The following RBFOX3 variants were observed in gnomAD, a reference collection of about 807,000 sequenced individuals.
RBFOX3 encodes the protein RNA binding protein fox-1 homolog 3.
A neutral mutation model predicts 48.7 loss-of-function variants in RBFOX3; 17 were observed. The observed-to-expected ratio is 0.35, with a 90% CI of 0.24 to 0.52. The LOEUF (loss-of-function observed/expected upper bound fraction) is 0.52, where lower values mean the gene tolerates loss of function less well. RBFOX3 is among the 20% of genes least tolerant of loss of function. The pLI, the probability that RBFOX3 is intolerant of heterozygous loss-of-function variation, is 0.94. For missense variants in RBFOX3, 382 were observed against 497.5 expected, an observed-to-expected ratio of 0.77 and a Z score of 2.21; for synonymous variants, 212 against 209.5, an observed-to-expected ratio of 1.01 and a Z score of -0.10.
At chr17:79,170,128 A>AAGGAGGAAGGAAGGG (rs2048896700) in intron 4 of RBFOX3, among the ~76,000 whole-genome samples, 3 of 135,790 alleles carry the variant, frequency 2.2e-5, no homozygotes, top group East Asian at 2.2e-4. Context: ...GGAAGGAAGG[A>AAGGAGGAAGGAAGGG]AGGAGGAAGG....
intron 4 of RBFOX3, among the ~76,000 whole-genome samples, chr17:79,187,083 G>A (rs1186824581): frequency 6.6e-5 from 10 of 152,278 alleles, no homozygotes; most frequent in South Asian, 2.1e-4. Context: ...GCTAAAAGGT[G>A]TGCAGGGGAA....
In RBFOX3 at chr17:79,390,366, G is replaced by A. The variant is rs371909286; in HGVS notation, c.-174-82542C>T. Reference sequence around the variant, plus strand: ...GCTGTGGTTTCATCACGACCATCACGGCCAGGTGACGGGTTCCAGCTCATT... The same window carrying A: ...GCTGTGGTTTCATCACGACCATCACAGCCAGGTGACGGGTTCCAGCTCATT... On this transcript the variant is annotated intron_variant, in intron 2 of 14. Transcript: ENST00000693108. The surrounding 1 kb of genome is among the most constrained non-coding windows in gnomAD (Gnocchi z 4.2). Among the ~76,000 whole-genome samples, 1 of 151,776 alleles carries A rather than the reference G, an allele frequency of 6.6e-6. No individual in the cohort carries two copies. Among genetic ancestry groups the A allele is most frequent in the Non-Finnish European group, 1.5e-5 (1 of 68,040 alleles).
intron 1 of RBFOX3, among the ~76,000 whole-genome samples, chr17:79,486,550 T>C (rs2079636061): frequency 6.6e-6 from 1 of 152,148 alleles, no homozygotes; most frequent in African/African-American, 2.4e-5. Flanking sequence ...TATGCTCACA[T>C]ATGCACACGA....
Position 79,423,206 on chromosome 17 carries a change from G to A in RBFOX3, c.-175+59248C>T, listed in dbSNP as rs140673838. The stretch of plus-strand genomic sequence containing the variant: ...ACATGTCCAAAACCAAACTCCTCAC[G>A]TCCTGCGGTCTCCCCGTGGAAGCCC... On this transcript the variant is annotated intron_variant, in intron 2 of 14. Coordinates refer to ENST00000693108, the MANE Select transcript of RBFOX3 (RefSeq NM_001350451.2). The surrounding 1 kb of genome is among the most constrained non-coding windows in gnomAD (Gnocchi z 4.9). Among the ~76,000 whole-genome samples, 14 of 152,262 alleles carry A rather than the reference G, an allele frequency of 9.2e-5. No individual in the cohort carries two copies. Among genetic ancestry groups the A allele is most frequent in the African/African-American group, 2.4e-4 (10 of 41,536 alleles).
At chr17:79,593,767 A>C (rs2145159707) in intron 1 of RBFOX3, among the ~76,000 whole-genome samples, 1 of 152,352 alleles carries the variant, frequency 6.6e-6, no homozygotes, top group East Asian at 1.9e-4. Flanking sequence ...ACTGGGCACC[A>C]GTTCAGGCCC....
intron 2 of RBFOX3, among the ~76,000 whole-genome samples, chr17:79,376,808 CTG>C (rs2059278454): frequency 6.6e-6 from 1 of 152,130 alleles, no homozygotes. Flanking sequence ...TGTCTCTCCA[CTG>C]TGGAGACATC....
At chr17:79,360,437 C>T (rs890782144) in intron 2 of RBFOX3, among the ~76,000 whole-genome samples, 26 of 152,318 alleles carry the variant, frequency 1.7e-4, no homozygotes, top group African/African-American at 5.5e-4. Flanking sequence ...CCAAGCGCCG[C>T]ACCCTGGGGC....
intron 2 of RBFOX3, among the ~76,000 whole-genome samples, chr17:79,437,720 C>T (rs2069832704): frequency 6.6e-6 from 1 of 152,236 alleles, no homozygotes; most frequent in Admixed American, 6.5e-5. Context: ...GACTTCCCAC[C>T]CTAGGCCGGC....
At chr17:79,384,176 T>C (rs2060279387) in intron 2 of RBFOX3, among the ~76,000 whole-genome samples, 1 of 152,208 alleles carries the variant, frequency 6.6e-6, no homozygotes, top group South Asian at 2.1e-4. Flanking sequence ...TTTCTGGGGA[T>C]GTCGGAAAAC....
intron 1 of RBFOX3, among the ~76,000 whole-genome samples, chr17:79,554,427 C>G (rs942959905): frequency 7.5e-4 from 53 of 71,034 alleles, no homozygotes; most frequent in Middle Eastern, 7.6e-3. Context: ...AGTCACCCCT[C>G]ACCTGGCCCT....
chr17:79,543,545 C>A (rs1437844203), intron 1 of RBFOX3, among the ~76,000 whole-genome samples: 1 of 152,112 alleles, frequency 6.6e-6, no homozygotes, highest in Non-Finnish European at 1.5e-5. Context: ...CAGAGCGAAA[C>A]CAAGGCCTTC....
chr17:79,187,886 G>A (rs540547562), intron 4 of RBFOX3, among the ~76,000 whole-genome samples: 68 of 151,934 alleles, frequency 4.5e-4, no homozygotes, highest in Non-Finnish European at 7.8e-4. Context: ...TGGGAAACCC[G>A]GCAGACACCA....
intron 2 of RBFOX3, among the ~76,000 whole-genome samples, chr17:79,407,048 C>T (rs535284847): frequency 1.1e-4 from 17 of 152,344 alleles, no homozygotes; most frequent in South Asian, 1.0e-3. Context: ...TCGCTCTTGT[C>T]GCCCAGGCTG....
intron 3 of RBFOX3, among the ~76,000 whole-genome samples, chr17:79,263,121 A>G (rs1286226007): frequency 6.6e-6 from 1 of 152,202 alleles, no homozygotes; most frequent in African/African-American, 2.4e-5. Context: ...CCAGGGTCCC[A>G]GGGCCCCGCG....
At chr17:79,273,145 G>A (rs547314781) in intron 3 of RBFOX3, among the ~76,000 whole-genome samples, 21 of 152,032 alleles carry the variant, frequency 1.4e-4, no homozygotes, top group South Asian at 4.2e-4. Flanking sequence ...CCTGGTGGAC[G>A]GGTGGCACTG....
In RBFOX3 at chr17:79,354,066, A is replaced by G. The variant is rs147117459; in HGVS notation, c.-174-46242T>C. The stretch of plus-strand genomic sequence containing the variant: ...ATGGGAAGGTACAGAGAGTTCCCAC[A>G]GACCCCCTGCCCTCCCCATGACATG... On this transcript the variant is annotated intron_variant, in intron 2 of 14. Coordinates refer to ENST00000693108, the MANE Select transcript of RBFOX3 (RefSeq NM_001350451.2). Among the ~76,000 whole-genome samples, 376 of 152,254 alleles carry G rather than the reference A, an allele frequency of 2.5e-3. 1 individual carries two copies. Among genetic ancestry groups the G allele is most frequent in the African/African-American group, 8.6e-3 (357 of 41,558 alleles).
chr17:79,656,683 G>GGGAA, the RBFOX3 span, among the ~76,000 whole-genome samples: 105 of 39,606 alleles, frequency 2.7e-3, 3 homozygotes, highest in African/African-American at 5.9e-3. Flanking sequence ...GAAGGAAGGA[G>GGGAA]GGAAGGAAGG....
At chr17:79,163,812 C>G (rs921846841) in intron 4 of RBFOX3, among the ~76,000 whole-genome samples, 2 of 152,230 alleles carry the variant, frequency 1.3e-5, no homozygotes, top group African/African-American at 4.8e-5. Context: ...TTGAGCTCCT[C>G]CTTGCCCAGG....
intron 4 of RBFOX3, among the ~76,000 whole-genome samples, chr17:79,171,806 G>C (rs144970523): frequency 6.6e-6 from 1 of 151,766 alleles, no homozygotes; most frequent in Non-Finnish European, 1.5e-5. Context: ...CTGGGATGAC[G>C]GGTGTGAGCC....
Sources: allele counts gnomAD v4.1 joint callset (sites outside exome capture counted in the v4.1 genomes callset), GRCh38; gene constraint gnomAD v4.1.1; non-coding constraint Gnocchi (gnomAD v3.1); transcripts MANE v1.5; gene names NCBI Gene and HGNC (gene_info 2026-07-23, HGNC 2026-07-21).